Variants in B4GALNT3 observed in about 807,000 individuals in gnomAD.
The protein encoded by B4GALNT3 is beta-1,4-N-acetylgalactosaminyltransferase 3.
A neutral mutation model predicts 120.2 loss-of-function variants in B4GALNT3; 86 were observed. The ratio of observed to expected loss-of-function variants is 0.72; its 90% confidence interval spans 0.60 to 0.86. The LOEUF is 0.86. B4GALNT3 is among the 40% of genes least tolerant of loss of function. The probability of loss-of-function intolerance (pLI) is 0.00; values close to 1 mark genes in which losing one functional copy is unlikely to be tolerated. For synonymous variants in B4GALNT3, 518 were observed against 510.4 expected, an observed-to-expected ratio of 1.01 and a Z score of -0.20; for missense variants, 1,167 against 1,298.9, an observed-to-expected ratio of 0.90 and a Z score of 1.56.
In B4GALNT3 at chr12:556,876, A is replaced by G. The variant is rs1947162123; in HGVS notation, c.2380+10A>G. ...CACTTCGTCGTGCCTGGTGAGCCTCAAGCTGAGCCTCGGCATTCTCAGGGG... is the reference window on the plus strand; with the variant it reads ...CACTTCGTCGTGCCTGGTGAGCCTCGAGCTGAGCCTCGGCATTCTCAGGGG... On this transcript the variant is annotated intron_variant, in intron 15 of 19. Transcript: ENST00000266383. 1 of 1,594,306 alleles carries G rather than the reference A, an allele frequency of 6.3e-7. No homozygotes were observed. Among genetic ancestry groups the G allele is most frequent in the Non-Finnish European group, 8.6e-7 (1 of 1,166,148 alleles).
At chr12:534,111 G>A (rs1016917760) in intron 1 of B4GALNT3, among the ~76,000 whole-genome samples, 1 of 152,220 alleles carries the variant, frequency 6.6e-6, no homozygotes, top group African/African-American at 2.4e-5. Flanking sequence ...AGCTGTTGAG[G>A]GAAAGGGGAG....
At chr12:535,021 C>G (rs1481251306) in intron 1 of B4GALNT3, 145 bp from the exon 2 acceptor site, 13 of 605,470 alleles carry the variant, frequency 2.1e-5, no homozygotes, top group Non-Finnish European at 3.4e-5. Flanking sequence ...CTATCTCCTG[C>G]CCCCAGCCCA....
At chr12:558,763 T>G in intron 18 of B4GALNT3, 102 bp downstream of exon 18, 1 of 1,280,128 alleles carries the variant, frequency 7.8e-7, no homozygotes, top group Non-Finnish European at 1.1e-6. Flanking sequence ...AGCATCCTCC[T>G]CCCCTGCCCC....
intron 14 of B4GALNT3, chr12:555,465 C>T (rs1418145633): frequency 2.4e-6 from 1 of 421,830 alleles, no homozygotes; most frequent in South Asian, 1.7e-5. Flanking sequence ...TGTGGATATA[C>T]CACATTTTTC....
intron 1 of B4GALNT3, among the ~76,000 whole-genome samples, chr12:471,506 A>G (rs1162163632): frequency 6.6e-6 from 1 of 151,962 alleles, no homozygotes; most frequent in African/African-American, 2.4e-5. Flanking sequence ...CATGAGTTCA[A>G]GACCAGCCTG....
rs75735245 is a variant in B4GALNT3, at chr12:510,295, C to T, written c.170-24871C>T. 5.6e-3 allele frequency among the ~76,000 whole-genome samples: 854 copies of T among 152,320 alleles called. 8 individuals carry two copies. Among genetic ancestry groups the T allele is most frequent in the African/African-American group, 0.02 (819 of 41,550 alleles). ...GATGATTTCTGCCATGCTGAGCTAG[C>T]TGCCTGCTGGCTTTGTAAGCAGTGG... On this transcript the variant is annotated intron_variant, in intron 1 of 19. Coordinates refer to ENST00000266383, the MANE Select transcript of B4GALNT3 (RefSeq NM_173593.4).
intron 6 of B4GALNT3, among the ~76,000 whole-genome samples, chr12:545,753 T>C (rs1380439768): frequency 1.5e-3 from 43 of 28,534 alleles, no homozygotes; most frequent in East Asian, 5.3e-3. Flanking sequence ...TGGGGAGGAG[T>C]GAGGAGTGGG....
chr12:559,775 G>A (rs569076740), intron 19 of B4GALNT3, among the ~76,000 whole-genome samples: 4 of 152,234 alleles, frequency 2.6e-5, no homozygotes, highest in East Asian at 1.9e-4. Context: ...AGGGTAGTGC[G>A]CCTCCCGTCA....
intron 1 of B4GALNT3, among the ~76,000 whole-genome samples, chr12:461,234 C>T (rs1189202324): frequency 6.6e-6 from 1 of 152,132 alleles, no homozygotes; most frequent in Non-Finnish European, 1.5e-5. Context: ...AGCAAATCTA[C>T]CAAACTCCCC....
rs931451679 is a variant in B4GALNT3 at position 533,357 on chromosome 12, C to T, written c.170-1809C>T. On this transcript the variant is annotated intron_variant, in intron 1 of 19. Transcript: ENST00000266383. Reference sequence around the variant, plus strand: ...CATCCTGCTTCCCCAGAACACACCCCTGCCCTGAACTCGCCAGACCTCTTC... The same window carrying T: ...CATCCTGCTTCCCCAGAACACACCCTTGCCCTGAACTCGCCAGACCTCTTC... Among the ~76,000 whole-genome samples the T allele has an allele frequency of 5.9e-5, 9 of 152,242 alleles. No homozygotes were observed. The East Asian group carries it at 1.5e-3, about 26-fold the overall frequency.
chr12:552,335 A>ACC lies in B4GALNT3; in HGVS notation c.1209-130_1209-129dup, dbSNP rs1491175843. The ACC allele has an allele frequency of 2.0e-5, 16 of 806,732 alleles. No homozygotes were observed. In the African/African-American group the frequency reaches 2.3e-4, roughly 12 times the overall value. The allele number at this position is 806,732 out of a possible 1,614,324, so 50.0% of individuals were successfully genotyped here. ...CACACACACACACACACACACACACACCCGCTCACCAGCCTCCTTCCTCCA... is the reference window on the plus strand; with the variant it reads ...CACACACACACACACACACACACACACCCCCGCTCACCAGCCTCCTTCCTCCA... On this transcript the variant is annotated intron_variant, in intron 12 of 19. Transcript: ENST00000266383.
At chr12:466,945 A>G (rs932011514) in intron 1 of B4GALNT3, among the ~76,000 whole-genome samples, 12 of 152,120 alleles carry the variant, frequency 7.9e-5, no homozygotes, top group Non-Finnish European at 1.8e-4. Flanking sequence ...TGGGAGCACC[A>G]CGATGAAGAC....
chr12:539,144 A>G (rs565288890), intron 3 of B4GALNT3, among the ~76,000 whole-genome samples: 26 of 152,306 alleles, frequency 1.7e-4, no homozygotes, highest in Admixed American at 1.7e-3. Context: ...GTCACTCCGG[A>G]GACTCAGCAG....
chr12:547,073 C>T (rs995717648), intron 7 of B4GALNT3, among the ~76,000 whole-genome samples: 1 of 152,240 alleles, frequency 6.6e-6, no homozygotes, highest in Non-Finnish European at 1.5e-5. Context: ...GACACGAGTC[C>T]CTTTCCCTTG....
chr12:461,465 A>G (rs1395015042), intron 1 of B4GALNT3, among the ~76,000 whole-genome samples: 1 of 152,216 alleles, frequency 6.6e-6, no homozygotes, highest in African/African-American at 2.4e-5. Flanking sequence ...ACTGACAGTG[A>G]CAGGGGCCGT....
At chr12:523,812 C>G (rs1011627235) in intron 1 of B4GALNT3, among the ~76,000 whole-genome samples, 2 of 152,214 alleles carry the variant, frequency 1.3e-5, no homozygotes, top group African/African-American at 4.8e-5. Context: ...CCTGTAATCC[C>G]AGCACTTTGG....
chr12:462,340 C>G (rs1041773435), intron 1 of B4GALNT3, among the ~76,000 whole-genome samples: 1 of 149,826 alleles, frequency 6.7e-6, no homozygotes, highest in Non-Finnish European at 1.5e-5. Context: ...CTCCCTTTCT[C>G]CCTCTCCTCA....
At chr12:559,566 C>T in intron 19 of B4GALNT3, 145 bp downstream of exon 19, 1 of 1,182,940 alleles carries the variant, frequency 8.5e-7, no homozygotes, top group Non-Finnish European at 1.2e-6. Flanking sequence ...AGGACGCCCT[C>T]AAATCACCGG....
rs768969436 is a variant in B4GALNT3, at chr12:548,102, A to C, written c.786A>C (p.Ala262=). ...AGGGCACCGACCACGTGGAAGTTGC[A>C]GTGAGTTTCCTGCTGCTCCCGCCTC... is the stretch of plus-strand genomic sequence containing the variant. The part of the protein sequence containing the change: ...NEEGTDHVEV[A]WRRNDPGAKF... The change falls in exon 8 of 20, where the codon GCA becomes GCC. Residue 262 remains alanine, a splice_region_variant and synonymous_variant. Transcript: ENST00000266383. This position sits in a 1 kb window ranked among gnomAD's most constrained non-coding sequence, Gnocchi z 4.9. The C allele has an allele frequency of 5.6e-6, 9 of 1,613,760 alleles. No individual in the cohort carries two copies. In the East Asian group the frequency reaches 2.0e-4, roughly 36 times the overall value.
Sources: gnomAD v4.1 joint callset for allele counts (sites outside exome capture counted in the v4.1 genomes callset) on GRCh38, gnomAD v4.1.1 for gene constraint, Gnocchi (gnomAD v3.1) non-coding constraint, MANE v1.5 for transcripts, NCBI Gene and HGNC (gene_info 2026-07-23, HGNC 2026-07-21) for gene names.